SPNS3: variants seen among roughly 807,000 people sequenced by gnomAD.
SPNS3 encodes SPNS lysolipid transporter 3, sphingosine-1-phosphate (putative), also known as protein spinster homolog 3.
SPNS3 carries 51 observed loss-of-function variants against 54.4 expected under a neutral mutation model. That is an observed-to-expected ratio of 0.94 (90% CI 0.75 to 1.18). The LOEUF (loss-of-function observed/expected upper bound fraction) is 1.18. SPNS3 is among the 50% of genes most tolerant of loss of function. The probability of loss-of-function intolerance (pLI) is 0.00; values close to 1 mark genes in which losing one functional copy is unlikely to be tolerated. For missense variants in SPNS3, 669 were observed against 677.4 expected, an observed-to-expected ratio of 0.99 and a Z score of 0.14; for synonymous variants, 309 against 294.7, an observed-to-expected ratio of 1.05 and a Z score of -0.50.
chr17:4,461,361 C>CTTTTCTTTTTT (rs1971498511), intron 8 of SPNS3, among the ~76,000 whole-genome samples: 1 of 33,416 alleles, frequency 3.0e-5, no homozygotes. Context: ...CTTTTCTTTT[C>CTTTTCTTTTTT]TTTTTTTTTT....
chr17:4,434,113 C>A lies in SPNS3; in HGVS notation c.146C>A (p.Ala49Asp). 6.2e-7 allele frequency: 1 copy of A among 1,612,440 alleles called. No individual in the cohort carries two copies. Among genetic ancestry groups the A allele is most frequent in the Non-Finnish European group, 8.5e-7 (1 of 1,179,316 alleles). Residue 49 changes from alanine to aspartate, a missense_variant, in exon 1 of 12, where the codon GCC becomes GAC. By Grantham distance (126) the Ala-to-Asp change is moderately radical. Transcript: ENST00000355530. The part of the protein sequence containing the change: ...LPPWRAYVAA[A>D]VLCYINLLNY... ...CCGTGGAGGGCCTACGTGGCTGCCGCCGTCCTCTGCTACATCAACCTCCTG... is the reference window on the plus strand; with the variant it reads ...CCGTGGAGGGCCTACGTGGCTGCCGACGTCCTCTGCTACATCAACCTCCTG...
chr17:4,461,352 T>C (rs1295740402), intron 8 of SPNS3, among the ~76,000 whole-genome samples: 1 of 135,562 alleles, frequency 7.4e-6, no homozygotes, highest in African/African-American at 3.0e-5. Context: ...CTTTCTTTTC[T>C]TTTCTTTTCT....
chr17:4,472,382 T>C (rs1373886726), intron 8 of SPNS3, among the ~76,000 whole-genome samples: 3 of 152,214 alleles, frequency 2.0e-5, no homozygotes, highest in Non-Finnish European at 2.9e-5. Flanking sequence ...CAGTTTGAGT[T>C]GAGCTTGGGC....
At chr17:4,455,589 C>G (rs1044286391) in intron 8 of SPNS3, among the ~76,000 whole-genome samples, 3 of 152,148 alleles carry the variant, frequency 2.0e-5, no homozygotes, top group Non-Finnish European at 4.4e-5. Flanking sequence ...TGCAAGGGGC[C>G]CCCTCTCATG....
intron 8 of SPNS3, among the ~76,000 whole-genome samples, chr17:4,464,423 C>T (rs533972275): frequency 5.9e-5 from 9 of 152,248 alleles, no homozygotes; most frequent in Admixed American, 3.3e-4. Flanking sequence ...TGTGGCTGAA[C>T]GTCGGCTATC....
rs752101371 is a variant in SPNS3, at chr17:4,487,763, C to G, written c.1451-43C>G. ...AGGCCCAGGCCTGGTCCCAAAGCAC[C>G]TTCTGCAACCTTCGGGCAGGCTGAG... On this transcript the variant is annotated intron_variant, in intron 11 of 11. Coordinates refer to ENST00000355530, the MANE Select transcript of SPNS3 (RefSeq NM_182538.5). 28 of 1,596,240 alleles carry G rather than the reference C, an allele frequency of 1.8e-5. No homozygotes were observed. The Admixed American group carries it at 4.5e-4, about 26-fold the overall frequency.
intron 8 of SPNS3, among the ~76,000 whole-genome samples, chr17:4,468,342 A>C (rs1321289087): frequency 6.6e-6 from 1 of 152,080 alleles, no homozygotes; most frequent in African/African-American, 2.4e-5. Flanking sequence ...CAGAGAAATC[A>C]CTCCAGAGGA....
chr17:4,436,806 T>C (rs1970728406), intron 1 of SPNS3, among the ~76,000 whole-genome samples: 1 of 152,202 alleles, frequency 6.6e-6, no homozygotes, highest in Non-Finnish European at 1.5e-5. Flanking sequence ...CAGAGGCTGC[T>C]GTAGTGGATC....
chr17:4,436,514 A>AGGAGGATTGCTTGAGGCTGAAGCG (rs539600305), intron 1 of SPNS3, among the ~76,000 whole-genome samples: 15 of 150,120 alleles, frequency 1.0e-4, no homozygotes, highest in African/African-American at 3.2e-4. Context: ...AGGCTGAAGC[A>AGGAGGATTGCTTGAGGCTGAAGCG]GGAGGATTGC....
At chr17:4,434,940 C>CTA (rs1178859789) in intron 1 of SPNS3, among the ~76,000 whole-genome samples, 4 of 151,774 alleles carry the variant, frequency 2.6e-5, no homozygotes, top group Non-Finnish European at 5.9e-5. Flanking sequence ...GTAGCTGGGA[C>CTA]TACAGGCGCA....
At chr17:4,444,431 C>A (rs1253192924) in intron 2 of SPNS3, among the ~76,000 whole-genome samples, 1 of 151,800 alleles carries the variant, frequency 6.6e-6, no homozygotes, top group Non-Finnish European at 1.5e-5. Flanking sequence ...CTATGTTGCC[C>A]AGGCTGGTCT....
chr17:4,470,553 A>G (rs964626750), intron 8 of SPNS3, among the ~76,000 whole-genome samples: 1 of 152,218 alleles, frequency 6.6e-6, no homozygotes, highest in Admixed American at 6.5e-5. Context: ...CATTTTGCTC[A>G]CCCCAAAAAG....
Position 4,468,810 on chromosome 17 carries a change from C to T in SPNS3, c.1114-9762C>T, listed in dbSNP as rs538986353. Among the ~76,000 whole-genome samples the T allele has an allele frequency of 2.1e-4, 21 of 101,588 alleles. No homozygotes were observed. The East Asian group carries it at 4.6e-3, about 22-fold the overall frequency. The allele number at this position is 101,588 out of a possible 152,430, so 66.6% of individuals were successfully genotyped here. A position where few individuals can be genotyped will look rare whatever the true frequency, so the allele number is the denominator to read the frequency against. On this transcript the variant is annotated intron_variant, in intron 8 of 11. Coordinates refer to ENST00000355530, the MANE Select transcript of SPNS3 (RefSeq NM_182538.5). The stretch of plus-strand genomic sequence containing the variant: ...CTCTCTCTTTCTTTTTTTTTTTTGA[C>T]GGAGTTTTGCTCTTGTCACCGAGGC...
chr17:4,434,992 G>T (rs187504429), intron 1 of SPNS3, among the ~76,000 whole-genome samples: 1 of 151,338 alleles, frequency 6.6e-6, no homozygotes, highest in Non-Finnish European at 1.5e-5. Context: ...TAGTAGAGAC[G>T]GGGTTTTGCC....
chr17:4,434,966 C>G (rs1391938603), intron 1 of SPNS3, among the ~76,000 whole-genome samples: 3 of 151,306 alleles, frequency 2.0e-5, no homozygotes, highest in Non-Finnish European at 4.4e-5. Context: ...CCATGCCAGG[C>G]TAGTTTTTGT....
chr17:4,442,929 G>A (rs779728846), intron 2 of SPNS3, among the ~76,000 whole-genome samples: 1 of 152,292 alleles, frequency 6.6e-6, no homozygotes, highest in Non-Finnish European at 1.5e-5. Context: ...CCTTGGGAAT[G>A]AGGAGTGTCT....
At chr17:4,438,035 C>T (rs1333116394) in intron 1 of SPNS3, among the ~76,000 whole-genome samples, 1 of 152,254 alleles carries the variant, frequency 6.6e-6, no homozygotes, top group Non-Finnish European at 1.5e-5. Context: ...GATCTGCCGG[C>T]CTCGGCCTCC....
At chr17:4,458,438 C>T (rs1389295304) in intron 8 of SPNS3, among the ~76,000 whole-genome samples, 2 of 92,264 alleles carry the variant, frequency 2.2e-5, no homozygotes, top group African/African-American at 5.9e-5. Context: ...TTCCTTCCTC[C>T]CTCCCTCCCT....
chr17:4,472,168 T>A (rs1468636204), intron 8 of SPNS3, among the ~76,000 whole-genome samples: 1 of 152,146 alleles, frequency 6.6e-6, no homozygotes, highest in African/African-American at 2.4e-5. Flanking sequence ...CAAGTTGGAT[T>A]TTTTTCTCCT....
Sources: allele counts gnomAD v4.1 joint callset (sites outside exome capture counted in the v4.1 genomes callset), GRCh38; gene constraint gnomAD v4.1.1; transcripts MANE v1.5; gene names NCBI Gene and HGNC (gene_info 2026-07-23, HGNC 2026-07-21).